CNTN4: variants seen among roughly 807,000 people sequenced by gnomAD.
CNTN4 encodes contactin-4.
CNTN4 carries 77 observed loss-of-function variants against 122.5 expected under a neutral mutation model. The observed-to-expected ratio is 0.63, with a 90% CI of 0.52 to 0.76. The LOEUF (loss-of-function observed/expected upper bound fraction) is 0.76. Among genes scored for constraint, CNTN4 ranks in the 30% least tolerant of loss-of-function variants. CNTN4 has a pLI of 0.00. For synonymous variants in CNTN4, 512 were observed against 447.0 expected (o/e 1.15, Z -1.83); for missense variants, 1,256 against 1,259.1 (o/e 1.00, Z 0.04).
chr3:2,994,925 C>G (rs544811811), intron 14 of CNTN4, among the ~76,000 whole-genome samples: 36 of 152,200 alleles, frequency 2.4e-4, no homozygotes, highest in African/African-American at 8.4e-4. Flanking sequence ...TAACATTGGT[C>G]CCTTATAACT....
At chr3:2,949,826 C>T (rs989540075) in intron 13 of CNTN4, among the ~76,000 whole-genome samples, 1 of 152,054 alleles carries the variant, frequency 6.6e-6, no homozygotes, top group African/African-American at 2.4e-5. Context: ...CTTACAATAC[C>T]CAAACCCTAA....
At chr3:2,251,472 A>G (rs1470855705) in intron 2 of CNTN4, among the ~76,000 whole-genome samples, 1 of 151,916 alleles carries the variant, frequency 6.6e-6, no homozygotes, top group Non-Finnish European at 1.5e-5. Flanking sequence ...ATGCATCACT[A>G]ATGTCCTTTA....
At chr3:2,612,482 C>T (rs903068364) in intron 4 of CNTN4, among the ~76,000 whole-genome samples, 3 of 151,822 alleles carry the variant, frequency 2.0e-5, no homozygotes, top group Non-Finnish European at 2.9e-5. Flanking sequence ...TGTGTGTGTG[C>T]GTGTGAATTG....
At chr3:2,862,686 T>C (rs190543612) in intron 7 of CNTN4, among the ~76,000 whole-genome samples, 4 of 152,308 alleles carry the variant, frequency 2.6e-5, no homozygotes, top group East Asian at 3.9e-4. Context: ...AGTATAAATA[T>C]TGCATGAAAG....
intron 13 of CNTN4, among the ~76,000 whole-genome samples, chr3:2,932,995 T>G (rs1312025433): frequency 6.6e-6 from 1 of 151,996 alleles, no homozygotes; most frequent in African/African-American, 2.4e-5. Context: ...GCTAATTTTT[T>G]GTATTTTTAG....
At chr3:2,420,649 T>G (rs2047581789) in intron 3 of CNTN4, among the ~76,000 whole-genome samples, 2 of 152,068 alleles carry the variant, frequency 1.3e-5, no homozygotes, top group South Asian at 2.1e-4. Flanking sequence ...TTGGCCAGAC[T>G]GGTCTTGAAC....
intron 3 of CNTN4, among the ~76,000 whole-genome samples, chr3:2,412,927 A>C (rs2047279002): frequency 6.6e-6 from 1 of 152,196 alleles, no homozygotes; most frequent in Admixed American, 6.5e-5. Context: ...TCCTCATAGA[A>C]TTGTTTTGGT....
At chr3:2,831,800 A>G (rs2093111163) in intron 7 of CNTN4, among the ~76,000 whole-genome samples, 1 of 152,210 alleles carries the variant, frequency 6.6e-6, no homozygotes, top group African/African-American at 2.4e-5. Context: ...TGGAATTTAC[A>G]CATCCTCTCA....
chr3:2,490,213 G>A lies in CNTN4; in HGVS notation c.-88-81203G>A, dbSNP rs376907252. Among the ~76,000 whole-genome samples the A allele has an allele frequency of 8.5e-5, 13 of 152,278 alleles. 1 individual carries two copies. Among genetic ancestry groups the A allele is most frequent in the African/African-American group, 3.1e-4 (13 of 41,554 alleles). On this transcript the variant is annotated intron_variant, in intron 3 of 24. Coordinates refer to ENST00000418658, the MANE Select transcript of CNTN4 (RefSeq NM_175607.3). ...GCACCAGGGGCTTTTCCCCTTGAAA[G>A]GCACACGCTCATCTGAGCATGGCTT... is the stretch of plus-strand genomic sequence containing the variant.
At chr3:2,565,301 C>T (rs971938339) in intron 3 of CNTN4, among the ~76,000 whole-genome samples, 4 of 152,172 alleles carry the variant, frequency 2.6e-5, no homozygotes, top group Admixed American at 1.3e-4. Flanking sequence ...AACCAATTAA[C>T]ACATATTTTC....
chr3:2,114,313 T>G (rs567676212), intron 2 of CNTN4, among the ~76,000 whole-genome samples: 1 of 151,708 alleles, frequency 6.6e-6, no homozygotes, highest in Non-Finnish European at 1.5e-5. Flanking sequence ...ATACAAAAAC[T>G]AGCTGGCGTG....
chr3:2,868,938 G>A (rs904491392), intron 8 of CNTN4, among the ~76,000 whole-genome samples: 1 of 151,984 alleles, frequency 6.6e-6, no homozygotes, highest in Admixed American at 6.6e-5. Context: ...CAAGAAACCG[G>A]CCCTCTTAAG....
intron 3 of CNTN4, among the ~76,000 whole-genome samples, chr3:2,390,307 C>G (rs985471860): frequency 1.3e-5 from 2 of 150,422 alleles, no homozygotes; most frequent in African/African-American, 4.9e-5. Context: ...TTTTGATAAT[C>G]TTGGCGAATT....
chr3:2,376,316 T>C (rs951087643), intron 3 of CNTN4, among the ~76,000 whole-genome samples: 2 of 152,222 alleles, frequency 1.3e-5, no homozygotes, highest in African/African-American at 4.8e-5. Flanking sequence ...GAACACTTTC[T>C]TGTTTAACGT....
At chr3:2,346,129 G>C (rs1395429092) in intron 3 of CNTN4, among the ~76,000 whole-genome samples, 3 of 151,944 alleles carry the variant, frequency 2.0e-5, no homozygotes, top group Non-Finnish European at 4.4e-5. Flanking sequence ...CTTTGTGTCA[G>C]GATTTTTGTT....
At chr3:2,359,332 ATATAGTG>A (rs2045016025) in intron 3 of CNTN4, among the ~76,000 whole-genome samples, 1 of 152,150 alleles carries the variant, frequency 6.6e-6, no homozygotes, top group African/African-American at 2.4e-5. Context: ...TACATTATAT[ATATAGTG>A]TATAATACTC....
chr3:2,405,398 C>T (rs1260923723), intron 3 of CNTN4, among the ~76,000 whole-genome samples: 1 of 152,008 alleles, frequency 6.6e-6, no homozygotes, highest in East Asian at 1.9e-4. Flanking sequence ...ACAAGATGAG[C>T]CTGGAGCAAC....
chr3:2,815,098 T>G (rs946790097), intron 6 of CNTN4, among the ~76,000 whole-genome samples: 2 of 152,182 alleles, frequency 1.3e-5, no homozygotes, highest in African/African-American at 4.8e-5. Context: ...GAAAATGGAT[T>G]AAGGACTTAA....
At chr3:2,869,425 G>A (rs559472386) in intron 8 of CNTN4, among the ~76,000 whole-genome samples, 4 of 152,324 alleles carry the variant, frequency 2.6e-5, no homozygotes, top group African/African-American at 4.8e-5. Context: ...GTGGGAGACA[G>A]TGGAAGAGAA....
Sources: gnomAD v4.1 joint callset for allele counts (sites outside exome capture counted in the v4.1 genomes callset) on GRCh38, gnomAD v4.1.1 for gene constraint, MANE v1.5 for transcripts, NCBI Gene and HGNC (gene_info 2026-07-23, HGNC 2026-07-21) for gene names.